The following ALDH1L2 variants were observed in gnomAD, a reference collection of about 807,000 sequenced individuals.
ALDH1L2 encodes the protein aldehyde dehydrogenase 1 family member L2.
Under a neutral mutation model 111.0 loss-of-function variants are expected in ALDH1L2, and 91 were observed. The observed-to-expected ratio is 0.82, with a 90% confidence interval of 0.69 to 0.98. ALDH1L2 has a LOEUF of 0.98. Ranked by LOEUF, ALDH1L2 falls within the 50% of genes least tolerant of loss-of-function variation. The pLI is 0.00. For missense variants in ALDH1L2, 995 were observed against 1,126.8 expected (o/e 0.88, Z 1.67); for synonymous variants, 374 against 392.6 (o/e 0.95, Z 0.56).
chr12:105,026,353 G>T (rs1874406212), intron 22 of ALDH1L2, among the ~76,000 whole-genome samples, 192 bp downstream of exon 22: 2 of 152,108 alleles, frequency 1.3e-5, no homozygotes, highest in African/African-American at 2.4e-5. Flanking sequence ...CACAATGTGT[G>T]TACTTTTCTG....
intron 1 of ALDH1L2, 77 bp downstream of exon 1, chr12:105,084,312 C>T: frequency 2.1e-6 from 3 of 1,449,432 alleles, no homozygotes; most frequent in Non-Finnish European, 2.7e-6. Context: ...CCAGCCCCAC[C>T]GCCCCGGCCC....
At chr12:105,076,863 T>G (rs1205814322) in intron 1 of ALDH1L2, among the ~76,000 whole-genome samples, 1 of 152,214 alleles carries the variant, frequency 6.6e-6, no homozygotes, top group Non-Finnish European at 1.5e-5. Flanking sequence ...ATCAAATGCT[T>G]ATTATACATC....
intron 19 of ALDH1L2, among the ~76,000 whole-genome samples, chr12:105,033,372 T>C (rs1433177226): frequency 6.6e-6 from 1 of 152,214 alleles, no homozygotes; most frequent in Non-Finnish European, 1.5e-5. Context: ...CCATGATATA[T>C]AGCACTGCAG....
At chr12:105,029,073 C>T (rs866057874) in intron 21 of ALDH1L2, among the ~76,000 whole-genome samples, 1 of 146,992 alleles carries the variant, frequency 6.8e-6, no homozygotes, top group African/African-American at 2.5e-5. Context: ...GTCGCCTAGG[C>T]TGCAGTGCAG....
intron 7 of ALDH1L2, 26 bp from the exon 8 acceptor site, chr12:105,061,778 T>C (rs1362034851): frequency 1.9e-6 from 3 of 1,613,442 alleles, no homozygotes; most frequent in Non-Finnish European, 1.7e-6. Context: ...AAAACAAGCA[T>C]AAAAATTGAG....
chr12:105,036,543 TA>T (rs113557331), intron 18 of ALDH1L2, among the ~76,000 whole-genome samples: 1 of 44,940 alleles, frequency 2.2e-5, no homozygotes, highest in African/African-American at 1.4e-4. Context: ...TATATATATA[TA>T]TATATATATA....
At chr12:105,083,367 A>C (rs1268165111) in intron 1 of ALDH1L2, among the ~76,000 whole-genome samples, 5 of 150,956 alleles carry the variant, frequency 3.3e-5, no homozygotes, top group Non-Finnish European at 7.4e-5. Context: ...TATACCTCAA[A>C]GTAACTAGAA....
Position 105,061,039 on chromosome 12 carries a change from T to C in ALDH1L2, c.1081A>G (p.Ile361Val), listed in dbSNP as rs377645236. 1.2e-6 allele frequency: 2 copies of C among 1,614,012 alleles called. No individual in the cohort carries two copies. Among genetic ancestry groups the C allele is most frequent in the East Asian group, 4.5e-5 (2 of 44,864 alleles). Residue 361 changes from isoleucine (I) to valine (V), a missense_variant, in exon 9 of 23, where the codon ATT (isoleucine) becomes GTT (valine). Coordinates refer to ENST00000258494, the MANE Select transcript of ALDH1L2 (RefSeq NM_001034173.4). ...AAGAAGTCTGTTGAGTCTTCAATAA[T>C]GGGGACATTGCTTAAAATTCCAGCC... ...IWAGILSNVP[I>V]IEDSTDFFKS...
chr12:105,050,825 G>T, intron 12 of ALDH1L2: 2 of 317,778 alleles, frequency 6.3e-6, no homozygotes, highest in South Asian at 5.1e-5. Context: ...ATACTTTCAT[G>T]AGAACAGCAC....
At position 105,061,642 on chromosome 12, in the gene ALDH1L2, C is replaced by T; in HGVS notation, c.1032G>A (p.Val344=). ...ATGTGTTCACCTTGATGGTCTCTGC[C>T]ACTTTCACCTCTTCAGCTGTCAGTT... ...VVELTAEEVK[V]AETIKVIWAG... Residue 344 remains valine (V), a synonymous_variant, in exon 8 of 23, where the codon GTG becomes GTA. Coordinates refer to ENST00000258494, the MANE Select transcript of ALDH1L2 (RefSeq NM_001034173.4). 1 of 1,614,122 alleles carries T rather than the reference C, an allele frequency of 6.2e-7. No homozygotes were observed. The highest frequency in any genetic ancestry group is 2.2e-5 in the East Asian group (1 of 44,872).
chr12:105,049,864 T>A (rs953770592), intron 13 of ALDH1L2, 44 bp downstream of exon 13: 20 of 1,577,904 alleles, frequency 1.3e-5, no homozygotes, highest in Non-Finnish European at 1.7e-5. Flanking sequence ...AACTAATCAA[T>A]GTTAGTCCCT....
Position 105,023,224 on chromosome 12 carries a change from A to C in ALDH1L2, c.*1200T>G, listed in dbSNP as rs1017448496. The C allele has an allele frequency of 6.6e-6, 1 of 152,232 alleles. No homozygotes were observed. The highest frequency in any genetic ancestry group is 1.5e-5 in the Non-Finnish European group (1 of 68,046). 9.4% of individuals were successfully genotyped at this position (152,232 alleles called of 1,614,324 possible). On this transcript the variant is annotated 3_prime_UTR_variant, in exon 23 of 23. Transcript: ENST00000258494. Reference sequence around the variant, plus strand: ...CTAGGCTCTGAGATATTAGATTACTATCTTGCCCAAGATCACACAGCCAGT... The same window carrying C: ...CTAGGCTCTGAGATATTAGATTACTCTCTTGCCCAAGATCACACAGCCAGT...
chr12:105,067,064 A>T (rs1370220258), intron 4 of ALDH1L2, among the ~76,000 whole-genome samples: 3 of 151,924 alleles, frequency 2.0e-5, no homozygotes, highest in Non-Finnish European at 1.5e-5. Flanking sequence ...AAAATACAAA[A>T]AATCAGCCGG....
chr12:105,020,717 G>A lies in ALDH1L2; in HGVS notation c.*3707C>T, dbSNP rs1015104880. 6.6e-5 allele frequency: 10 copies of A among 152,234 alleles called. No homozygotes were observed. Among genetic ancestry groups the A allele is most frequent in the African/African-American group, 2.4e-4 (10 of 41,466 alleles). The allele number at this position is 152,234 out of a possible 1,614,324, so 9.4% of individuals were successfully genotyped here. A position where few individuals can be genotyped will look rare whatever the true frequency, so the allele number is the denominator to read the frequency against. ...TAGTCAGGGAATGTGTCTCTCATCA[G>A]ATGATATTTGAGGAGAGACCTGCAG... On this transcript the variant is annotated 3_prime_UTR_variant, in exon 23 of 23. Transcript: ENST00000258494.
chr12:105,074,177 G>T (rs1210584144), intron 1 of ALDH1L2, 172 bp from the exon 2 acceptor site: 6 of 785,720 alleles, frequency 7.6e-6, no homozygotes, highest in South Asian at 5.9e-5. Flanking sequence ...CCTACCCTTG[G>T]CCGGGCACGG....
intron 16 of ALDH1L2, among the ~76,000 whole-genome samples, chr12:105,040,343 T>A (rs1875457239): frequency 6.6e-6 from 1 of 151,810 alleles, no homozygotes; most frequent in South Asian, 2.1e-4. Flanking sequence ...TCTTCCAGAG[T>A]AGTTTTTGAA....
Position 105,057,999 on chromosome 12 carries a change from G to A in ALDH1L2, c.1287+74C>T, listed in dbSNP as rs532175784. The A allele has an allele frequency of 3.1e-5, 45 of 1,438,122 alleles. No homozygotes were observed. In the African/African-American group the frequency reaches 6.1e-4, roughly 20 times the overall value. The allele number at this position is 1,438,122 out of a possible 1,614,324, so 89.1% of individuals were successfully genotyped here. On this transcript the variant is annotated intron_variant, in intron 10 of 22. Coordinates refer to ENST00000258494, the MANE Select transcript of ALDH1L2 (RefSeq NM_001034173.4). ...AGGTCATAAATATAAAAACAAATGG[G>A]CAACAGGCACAGCAGTCTTTTATAG...
intron 1 of ALDH1L2, among the ~76,000 whole-genome samples, chr12:105,075,307 G>A (rs1442097004): frequency 2.0e-5 from 3 of 152,194 alleles, no homozygotes; most frequent in Admixed American, 6.5e-5. Context: ...CATGTTGGCC[G>A]GGCGCGGTGG....
At chr12:105,055,529 A>G (rs1164609769) in intron 10 of ALDH1L2, among the ~76,000 whole-genome samples, 1 of 152,210 alleles carries the variant, frequency 6.6e-6, no homozygotes, top group Non-Finnish European at 1.5e-5. Context: ...CAAGACGTGC[A>G]GAGAAACAGG....
Sources: allele counts gnomAD v4.1 joint callset (sites outside exome capture counted in the v4.1 genomes callset), GRCh38; gene constraint gnomAD v4.1.1; transcripts MANE v1.5; gene names NCBI Gene and HGNC (gene_info 2026-07-23, HGNC 2026-07-21).